ZNF438: variants seen among roughly 807,000 people sequenced by gnomAD.
ZNF438 encodes the protein zinc finger protein 438.
A neutral mutation model predicts 38.0 loss-of-function variants in ZNF438; 25 were observed. The observed-to-expected ratio is 0.66, with a 90% CI of 0.48 to 0.92. ZNF438 has a LOEUF of 0.92. Among genes scored for constraint, ZNF438 ranks in the 40% least tolerant of loss-of-function variants. ZNF438 has a pLI of 0.00. For missense variants in ZNF438, 1,007 were observed against 999.6 expected (o/e 1.01, Z -0.10); for synonymous variants, 372 against 364.1 (o/e 1.02, Z -0.25).
chr10:31,025,595 A>T (rs2133368672), intron 1 of ZNF438, among the ~76,000 whole-genome samples: 1 of 152,330 alleles, frequency 6.6e-6, no homozygotes, highest in African/African-American at 2.4e-5. Context: ...GAAGAATAAT[A>T]GCTACGTAGT....
intron 2 of ZNF438, chr10:30,918,923 A>G (rs1023388774): frequency 3.3e-5 from 5 of 152,194 alleles, no homozygotes; most frequent in African/African-American, 1.2e-4. Context: ...CATCTGACCC[A>G]CGCAGTCATG....
chr10:30,883,358 C>T (rs551062384), intron 3 of ZNF438, among the ~76,000 whole-genome samples: 1 of 152,150 alleles, frequency 6.6e-6, no homozygotes, highest in Non-Finnish European at 1.5e-5. Flanking sequence ...CTTCCACATG[C>T]AGGAATTTTG....
chr10:31,024,966 A>G (rs1025244042), intron 1 of ZNF438, among the ~76,000 whole-genome samples: 4 of 152,202 alleles, frequency 2.6e-5, no homozygotes, highest in Non-Finnish European at 5.9e-5. Flanking sequence ...ATAGCCAAAA[A>G]CAAATACAAA....
intron 2 of ZNF438, among the ~76,000 whole-genome samples, chr10:30,935,269 G>C (rs991064014): frequency 6.6e-6 from 1 of 152,214 alleles, no homozygotes; most frequent in Non-Finnish European, 1.5e-5. Flanking sequence ...AAATATGTCA[G>C]GCTGGGTGAT....
Position 30,948,286 on chromosome 10 carries a change from C to A in ZNF438, c.-191-6635G>T, listed in dbSNP as rs567644425. ...ATCAAAGACCAAAAGTAGATAAAACCACAAAGATGGGGAAAAAACAGAACA... is the reference window on the plus strand; with the variant it reads ...ATCAAAGACCAAAAGTAGATAAAACAACAAAGATGGGGAAAAAACAGAACA... On this transcript the variant is annotated intron_variant, in intron 1 of 5. Coordinates refer to ENST00000413025, the Ensembl canonical transcript of ZNF438. 3.3e-3 allele frequency among the ~76,000 whole-genome samples: 506 copies of A among 152,188 alleles called. 1 individual carries two copies. Among genetic ancestry groups the A allele is most frequent in the Non-Finnish European group, 5.6e-3 (384 of 67,996 alleles).
At chr10:30,956,597 T>A (rs1466549178) in intron 1 of ZNF438, among the ~76,000 whole-genome samples, 3 of 152,202 alleles carry the variant, frequency 2.0e-5, no homozygotes, top group Non-Finnish European at 4.4e-5. Flanking sequence ...ACCACTATTC[T>A]ACTTTCTACT....
chr10:30,952,438 A>C (rs545978032), intron 1 of ZNF438, among the ~76,000 whole-genome samples: 66 of 152,338 alleles, frequency 4.3e-4, no homozygotes, highest in African/African-American at 1.5e-3. Flanking sequence ...GAACAGCAAG[A>C]GAAACTACCA....
At chr10:30,959,582 C>A (rs1265953798) in intron 1 of ZNF438, among the ~76,000 whole-genome samples, 56 of 123,118 alleles carry the variant, frequency 4.5e-4, no homozygotes, top group Admixed American at 5.1e-4. Flanking sequence ...ACTAAAAATA[C>A]AAAAAAAAAA....
intron 1 of ZNF438, among the ~76,000 whole-genome samples, chr10:31,029,518 T>C (rs1159751052): frequency 6.6e-6 from 1 of 152,142 alleles, no homozygotes; most frequent in Non-Finnish European, 1.5e-5. Flanking sequence ...CAGCTCTACC[T>C]TCAAAACGTA....
At chr10:30,965,518 C>A (rs1328903440) in intron 1 of ZNF438, among the ~76,000 whole-genome samples, 3 of 152,156 alleles carry the variant, frequency 2.0e-5, no homozygotes, top group Non-Finnish European at 4.4e-5. Flanking sequence ...GACATGGAAT[C>A]AACCAAGGTG....
intron 1 of ZNF438, among the ~76,000 whole-genome samples, chr10:30,951,717 T>C (rs866174593): frequency 4.0e-5 from 6 of 151,124 alleles, no homozygotes; most frequent in Non-Finnish European, 8.9e-5. Flanking sequence ...TCTTCAAGGA[T>C]AACTATAAAC....
In ZNF438 at chr10:30,857,910, C is replaced by T. The variant is rs1588814690; in HGVS notation, c.38-7543G>A. Reference sequence around the variant, plus strand: ...AGCTACCACAAATAGTATTAAGAGACAAGCACATGAGGCAATTCTCTAGAT... The same window carrying T: ...AGCTACCACAAATAGTATTAAGAGATAAGCACATGAGGCAATTCTCTAGAT... On this transcript the variant is annotated intron_variant, in intron 4 of 5. Transcript: ENST00000413025. 1.3e-5 allele frequency: 6 copies of T among 456,466 alleles called. No individual in the cohort carries two copies. The East Asian group carries it at 2.3e-4, about 18-fold the overall frequency. The allele number at this position is 456,466 out of a possible 1,614,324, so 28.3% of individuals were successfully genotyped here.
intron 4 of ZNF438, among the ~76,000 whole-genome samples, chr10:30,866,264 C>A (rs1322279103): frequency 2.0e-5 from 3 of 152,096 alleles, no homozygotes; most frequent in African/African-American, 7.2e-5. Context: ...TAAAGCTGAC[C>A]TGGCTACTTT....
At chr10:31,007,978 T>G (rs1039091674) in intron 1 of ZNF438, among the ~76,000 whole-genome samples, 4 of 152,224 alleles carry the variant, frequency 2.6e-5, no homozygotes, top group African/African-American at 9.6e-5. Flanking sequence ...AAAATCTAAT[T>G]TCTTAATGAC....
chr10:31,021,163 C>A (rs962209946), intron 1 of ZNF438, among the ~76,000 whole-genome samples: 37 of 149,608 alleles, frequency 2.5e-4, no homozygotes, highest in African/African-American at 9.1e-4. Context: ...ATGTTATGAA[C>A]TTATTACATA....
chr10:30,926,161 A>C (rs932299627), intron 2 of ZNF438, among the ~76,000 whole-genome samples: 18 of 152,224 alleles, frequency 1.2e-4, no homozygotes, highest in African/African-American at 4.3e-4. Flanking sequence ...ATGGACATCC[A>C]TCTTGGGCAA....
At chr10:30,887,714 C>T (rs1437542581) in intron 3 of ZNF438, among the ~76,000 whole-genome samples, 1 of 152,142 alleles carries the variant, frequency 6.6e-6, no homozygotes, top group Admixed American at 6.6e-5. Flanking sequence ...AGGCAGTTGT[C>T]TCCTGTCACT....
Position 31,010,156 on chromosome 10 carries a change from A to G in ZNF438, c.-192+21677T>C, listed in dbSNP as rs1316139458. Among the ~76,000 whole-genome samples, 4 of 152,272 alleles carry G rather than the reference A, an allele frequency of 2.6e-5. No individual in the cohort carries two copies. The East Asian group carries it at 7.7e-4, about 29-fold the overall frequency. ...GCCACAGTGCCCGGACTTGTCAATCATTTTTATAATGCAGCAATGCTTACT... is the reference window on the plus strand; with the variant it reads ...GCCACAGTGCCCGGACTTGTCAATCGTTTTTATAATGCAGCAATGCTTACT... On this transcript the variant is annotated intron_variant, in intron 1 of 5. Coordinates refer to ENST00000413025, the Ensembl canonical transcript of ZNF438.
intron 3 of ZNF438, among the ~76,000 whole-genome samples, chr10:30,886,083 C>A (rs1050080367): frequency 7.2e-5 from 11 of 152,186 alleles, no homozygotes; most frequent in Admixed American, 3.3e-4. Context: ...TATATAACTT[C>A]ATCACTGAAA....
Sources: allele counts gnomAD v4.1 joint callset (sites outside exome capture counted in the v4.1 genomes callset), GRCh38; gene constraint gnomAD v4.1.1; transcripts MANE v1.5; gene names NCBI Gene and HGNC (gene_info 2026-07-23, HGNC 2026-07-21).